Variants in DGKB observed in about 807,000 individuals in gnomAD.
DGKB encodes the protein 90 kDa diacylglycerol kinase.
In DGKB, 67 loss-of-function variants were observed where a neutral mutation model predicts 114.3. The ratio of observed to expected loss-of-function variants is 0.59; its 90% CI spans 0.48 to 0.72. The LOEUF is 0.72. DGKB is among the 30% of genes least tolerant of loss of function. The pLI, the probability that DGKB is intolerant of heterozygous loss-of-function variation, is 0.00. For synonymous variants in DGKB, 398 were observed against 323.1 expected, an observed-to-expected ratio of 1.23 and a Z score of -2.49; for missense variants, 907 against 975.2, an observed-to-expected ratio of 0.93 and a Z score of 0.93.
chr7:14,205,005 A>T (rs1257955784), intron 23 of DGKB, among the ~76,000 whole-genome samples: 1 of 152,006 alleles, frequency 6.6e-6, no homozygotes. Flanking sequence ...AATCAACTTC[A>T]TTCTTCCTTC....
chr7:14,298,041 C>G (rs969213596), intron 23 of DGKB, among the ~76,000 whole-genome samples: 5 of 152,002 alleles, frequency 3.3e-5, no homozygotes, highest in African/African-American at 1.2e-4. Context: ...AACAACTGCT[C>G]AAGGAAAGAA....
chr7:14,476,427 A>G lies in DGKB; in HGVS notation c.1835+1734T>C, dbSNP rs926351309. 3.3e-5 allele frequency among the ~76,000 whole-genome samples: 5 copies of G among 152,140 alleles called. No homozygotes were observed. The South Asian group carries it at 6.2e-4, about 19-fold the overall frequency. On this transcript the variant is annotated intron_variant, in intron 21 of 25. Transcript: ENST00000402815. ...AGGCAACTTATAGTGCAAAATTTTA[A>G]TTAGATTACTTTGATTTAATTTTGA...
chr7:14,716,536 T>C (rs1828214999), intron 6 of DGKB, among the ~76,000 whole-genome samples: 1 of 152,192 alleles, frequency 6.6e-6, no homozygotes, highest in East Asian at 1.9e-4. Flanking sequence ...TTGTAATCCT[T>C]TTGGAGTATT....
intron 23 of DGKB, among the ~76,000 whole-genome samples, chr7:14,279,652 G>A (rs1799603176): frequency 6.6e-6 from 1 of 152,018 alleles, no homozygotes; most frequent in South Asian, 2.1e-4. Context: ...TCCCTTTGAG[G>A]GTAACCCGAC....
chr7:14,448,040 C>G (rs916337000), intron 21 of DGKB, among the ~76,000 whole-genome samples: 2 of 152,076 alleles, frequency 1.3e-5, no homozygotes, highest in African/African-American at 4.8e-5. Flanking sequence ...ATTCACTAAT[C>G]TGCTCATTAG....
At chr7:14,679,718 G>C (rs1820502584) in intron 12 of DGKB, among the ~76,000 whole-genome samples, 1 of 151,990 alleles carries the variant, frequency 6.6e-6, no homozygotes, top group Admixed American at 6.6e-5. Context: ...GCAAAAGAAA[G>C]TACATTCAGT....
Position 14,737,557 on chromosome 7 carries a change from G to C in DGKB, c.169-1363C>G, listed in dbSNP as rs572635089. 1.6e-4 allele frequency among the ~76,000 whole-genome samples: 25 copies of C among 152,028 alleles called. 1 individual carries two copies. Among genetic ancestry groups the C allele is most frequent in the African/African-American group, 5.1e-4 (21 of 41,478 alleles). The stretch of plus-strand genomic sequence containing the variant: ...AGACATAGTAAATTTTTATAGATTT[G>C]ATCATGTGCCAATTAAGTTTACATA... On this transcript the variant is annotated intron_variant, in intron 4 of 25. Coordinates refer to ENST00000402815, the MANE Select transcript of DGKB (RefSeq NM_001350709.2).
intron 20 of DGKB, among the ~76,000 whole-genome samples, chr7:14,554,026 C>T (rs1284148608): frequency 6.6e-6 from 1 of 151,920 alleles, no homozygotes; most frequent in South Asian, 2.1e-4. Flanking sequence ...GCAACCGTCA[C>T]CACGCCCGGC....
chr7:14,689,410 A>G (rs1255203068), intron 9 of DGKB, among the ~76,000 whole-genome samples: 2 of 151,936 alleles, frequency 1.3e-5, no homozygotes, highest in African/African-American at 4.8e-5. Context: ...TGACCTCGTG[A>G]TCCGCCCGCC....
chr7:14,319,443 ATATT>A (rs1807311859), intron 23 of DGKB, among the ~76,000 whole-genome samples: 1 of 152,170 alleles, frequency 6.6e-6, no homozygotes, highest in African/African-American at 2.4e-5. Flanking sequence ...ATTTAAAAAT[ATATT>A]TATAGTAACA....
intron 22 of DGKB, among the ~76,000 whole-genome samples, chr7:14,339,157 A>G (rs1342319265): frequency 6.6e-6 from 1 of 151,778 alleles, no homozygotes; most frequent in Non-Finnish European, 1.5e-5. Flanking sequence ...TTGATGCCTC[A>G]TGGTCTCACA....
chr7:14,493,526 A>T (rs1784874517), intron 20 of DGKB, among the ~76,000 whole-genome samples: 2 of 152,182 alleles, frequency 1.3e-5, no homozygotes, highest in South Asian at 4.1e-4. Flanking sequence ...AAACAAGATG[A>T]TATGAAGCTT....
rs559314506 is a variant in DGKB at position 14,195,208 on chromosome 7, C to T, written c.2123-17057G>A. On this transcript the variant is annotated intron_variant, in intron 23 of 25. Coordinates refer to ENST00000402815, the MANE Select transcript of DGKB (RefSeq NM_001350709.2). Reference sequence around the variant, plus strand: ...TCACTTGTTTTCTGTGTGAATGAGCCGTTAGTGTGTGTGGGAATGTTTTCA... The same window carrying T: ...TCACTTGTTTTCTGTGTGAATGAGCTGTTAGTGTGTGTGGGAATGTTTTCA... Among the ~76,000 whole-genome samples the T allele has an allele frequency of 6.6e-5, 10 of 152,196 alleles. No individual in the cohort carries two copies. The South Asian group carries it at 1.0e-3, about 16-fold the overall frequency.
At chr7:14,293,785 T>C (rs993495921) in intron 23 of DGKB, among the ~76,000 whole-genome samples, 2 of 152,180 alleles carry the variant, frequency 1.3e-5, no homozygotes, top group African/African-American at 4.8e-5. Flanking sequence ...AACCCTCCAA[T>C]GGCTTCCTGC....
chr7:14,793,271 T>C (rs1840941809), intron 2 of DGKB, among the ~76,000 whole-genome samples: 2 of 152,168 alleles, frequency 1.3e-5, no homozygotes, highest in Non-Finnish European at 2.9e-5. Flanking sequence ...TGTAAAATTG[T>C]TTAGATTCAG....
intron 1 of DGKB, among the ~76,000 whole-genome samples, chr7:14,887,230 A>G (rs191819301): frequency 1.3e-4 from 19 of 151,926 alleles, no homozygotes; most frequent in Admixed American, 9.2e-4. Flanking sequence ...AAAGGCCAGC[A>G]AAGATCCATC....
At chr7:14,741,444 G>A (rs982162923) in intron 4 of DGKB, among the ~76,000 whole-genome samples, 1 of 152,152 alleles carries the variant, frequency 6.6e-6, no homozygotes, top group Non-Finnish European at 1.5e-5. Flanking sequence ...CTTAGGATGG[G>A]ATAAGGACCT....
At chr7:14,871,835 A>C (rs538387044) in intron 1 of DGKB, among the ~76,000 whole-genome samples, 7 of 152,326 alleles carry the variant, frequency 4.6e-5, no homozygotes, top group Admixed American at 2.0e-4. Context: ...TCATGCAGAC[A>C]TTAGTGGATT....
intron 23 of DGKB, among the ~76,000 whole-genome samples, chr7:14,338,212 G>A (rs1348467437): frequency 6.6e-6 from 1 of 151,912 alleles, no homozygotes; most frequent in East Asian, 1.9e-4. Flanking sequence ...AGACAATCAC[G>A]TTTCAGAAGA....
Sources: allele counts gnomAD v4.1 joint callset (sites outside exome capture counted in the v4.1 genomes callset), GRCh38; gene constraint gnomAD v4.1.1; transcripts MANE v1.5; gene names NCBI Gene and HGNC (gene_info 2026-07-23, HGNC 2026-07-21).